The following SFXN3 variants were observed in gnomAD, a reference collection of about 807,000 sequenced individuals.
SFXN3 encodes sideroflexin 3.
Under a neutral mutation model 40.4 loss-of-function variants are expected in SFXN3, and 31 were observed. The ratio of observed to expected loss-of-function variants is 0.77; its 90% CI spans 0.58 to 1.04. The LOEUF (loss-of-function observed/expected upper bound fraction) is 1.04, where lower values mean the gene tolerates loss of function less well. SFXN3 is among the 50% of genes least tolerant of loss of function. The pLI is 0.00. For synonymous variants in SFXN3, 157 were observed against 160.0 expected (o/e 0.98, Z 0.14); for missense variants, 366 against 408.2 (o/e 0.90, Z 0.89).
At chr10:101,034,691 GA>G (rs1938499407) in exon 3 of SFXN3, 1 of 1,613,934 alleles carries the variant, frequency 6.2e-7, no homozygotes, top group Non-Finnish European at 8.5e-7. Flanking sequence ...CTGTCCTGCA[GA>G]AAATGGGTGA....
At chr10:101,035,002 G>A in intron 3 of SFXN3, 147 bp downstream of exon 3, 1 of 1,115,218 alleles carries the variant, frequency 9.0e-7, no homozygotes, top group Non-Finnish European at 1.3e-6. Context: ...GCATCACAGA[G>A]CTTTAACCCA....
At chr10:101,038,146 T>G in intron 9 of SFXN3, 1 of 395,730 alleles carries the variant, frequency 2.5e-6, no homozygotes, top group East Asian at 1.2e-4. Context: ...CAGAGAAGAG[T>G]GTTTGGGGTA....
intron 1 of SFXN3, chr10:101,032,062 C>G (rs1414302359): frequency 1.0e-5 from 2 of 197,024 alleles, no homozygotes; most frequent in East Asian, 2.3e-4. Flanking sequence ...CCCTCCACAC[C>G]GCCCACCTGC....
At position 101,039,413 on chromosome 10, in the gene SFXN3, G is replaced by C. The variant is rs747408550; in HGVS notation, c.870-76G>C. On this transcript the variant is annotated intron_variant, in intron 11 of 11. Coordinates refer to ENST00000393459, the Ensembl canonical transcript of SFXN3. This position sits in a 1 kb window ranked among gnomAD's most constrained non-coding sequence, Gnocchi z 4.6. ...GAGAGGATTTTTCAGCCTGGGAGGA[G>C]GTGGGATGGCAATCCCTGGGCCTGA... 4 of 1,392,856 alleles carry C rather than the reference G, an allele frequency of 2.9e-6. No individual in the cohort carries two copies. The highest frequency in any genetic ancestry group is 4.1e-6 in the Non-Finnish European group (4 of 979,630). The allele number at this position is 1,392,856 out of a possible 1,614,324, so 86.3% of individuals were successfully genotyped here. A position where few individuals can be genotyped will look rare whatever the true frequency, so the allele number is the denominator to read the frequency against.
At chr10:101,037,795 C>G in intron 9 of SFXN3, 1 of 1,163,304 alleles carries the variant, frequency 8.6e-7, no homozygotes, top group Admixed American at 4.2e-5. Context: ...CAGACATGAA[C>G]AGGACACGAA....
intron 2 of SFXN3, among the ~76,000 whole-genome samples, chr10:101,032,777 T>C (rs1449722651): frequency 1.3e-5 from 2 of 152,148 alleles, no homozygotes; most frequent in Non-Finnish European, 2.9e-5. Context: ...TGATAGTGTC[T>C]TTGTGTGTGG....
At chr10:101,032,564 G>A in intron 2 of SFXN3, 82 bp downstream of exon 2, 2 of 1,423,958 alleles carry the variant, frequency 1.4e-6, no homozygotes, top group South Asian at 2.9e-5. Flanking sequence ...GTCTGTCCTG[G>A]TGCAGTCAAT....
rs1938586035 is a variant in SFXN3, at chr10:101,036,086, C to T, written c.416C>T (p.Thr139Ile). 6.2e-7 allele frequency: 1 copy of T among 1,613,432 alleles called. No homozygotes were observed. The highest frequency in any genetic ancestry group is 8.5e-7 in the Non-Finnish European group (1 of 1,179,522). ...AACTACTCCAACCGCAGTGGTGACACTCCCATCACTGTGAGGTGAGAGCCA... is the reference window on the plus strand; with the variant it reads ...AACTACTCCAACCGCAGTGGTGACATTCCCATCACTGTGAGGTGAGAGCCA... The change falls in exon 5 of 12, where the codon ACT (threonine) becomes ATT (isoleucine). Residue 139 changes from threonine to isoleucine, a missense_variant. Coordinates refer to ENST00000393459, the Ensembl canonical transcript of SFXN3. This position sits in a 1 kb window ranked among gnomAD's most constrained non-coding sequence, Gnocchi z 4.2.
chr10:101,035,902 TC>T (rs1277624672), intron 4 of SFXN3, 100 bp from the exon 5 acceptor site: 1 of 1,239,092 alleles, frequency 8.1e-7, no homozygotes, highest in East Asian at 2.3e-5. Flanking sequence ...ATTAACTGGG[TC>T]CCTTCTTAGG....
chr10:101,034,448 A>G (rs1410908677), intron 2 of SFXN3, among the ~76,000 whole-genome samples: 2 of 152,204 alleles, frequency 1.3e-5, no homozygotes, highest in African/African-American at 4.8e-5. Flanking sequence ...AATTAACAAC[A>G]TCTCAGCAAA....
At chr10:101,032,898 G>A (rs144754024) in intron 2 of SFXN3, among the ~76,000 whole-genome samples, 1 of 152,198 alleles carries the variant, frequency 6.6e-6, no homozygotes, top group Admixed American at 6.5e-5. Context: ...GCTGCACCAG[G>A]CTTTCCTCTC....
intron 2 of SFXN3, among the ~76,000 whole-genome samples, 189 bp from the exon 3 acceptor site, chr10:101,034,503 T>C (rs527345196): frequency 6.6e-6 from 1 of 152,232 alleles, no homozygotes; most frequent in African/African-American, 2.4e-5. Flanking sequence ...GAGTCTCTTA[T>C]GTCTTTCCTT....
At chr10:101,038,792 C>G (rs1938750451) in intron 10 of SFXN3, 100 bp downstream of exon 10, 4 of 1,539,230 alleles carry the variant, frequency 2.6e-6, no homozygotes, top group Non-Finnish European at 3.5e-6. Flanking sequence ...AGACATCATC[C>G]ATTCATACAT....
intron 3 of SFXN3, 39 bp downstream of exon 3, chr10:101,034,894 C>CT: frequency 6.3e-7 from 1 of 1,596,400 alleles, no homozygotes; most frequent in Non-Finnish European, 8.5e-7. Flanking sequence ...GCCAGGATCT[C>CT]ATTTTCTGTG....
At chr10:101,037,573 G>T in intron 9 of SFXN3, 142 bp downstream of exon 9, 2 of 1,558,124 alleles carry the variant, frequency 1.3e-6, no homozygotes. Flanking sequence ...CTCCACCTTC[G>T]TTCATTCAGC....
At chr10:101,032,473 G>A (rs59193147) in exon 2 of SFXN3, 13 of 1,550,274 alleles carry the variant, frequency 8.4e-6, no homozygotes, top group Non-Finnish European at 6.1e-6. Flanking sequence ...TTCAGAGAGC[G>A]ATGGAAAGCG....
Sources: gnomAD v4.1 joint callset for allele counts (sites outside exome capture counted in the v4.1 genomes callset) on GRCh38, gnomAD v4.1.1 for gene constraint, Gnocchi (gnomAD v3.1) non-coding constraint, MANE v1.5 for transcripts, NCBI Gene and HGNC (gene_info 2026-07-23, HGNC 2026-07-21) for gene names.